The following AHI1 variants were observed in gnomAD, a reference collection of about 807,000 sequenced individuals.
AHI1 encodes Abelson helper integration site 1.
In AHI1, 123 loss-of-function variants were observed where a neutral mutation model predicts 149.3. The observed-to-expected ratio is 0.82, with a 90% CI of 0.71 to 0.96. The LOEUF (loss-of-function observed/expected upper bound fraction) is 0.96, where lower values mean the gene tolerates loss of function less well. Ranked by LOEUF, AHI1 falls within the 40% of genes least tolerant of loss-of-function variation. The probability of loss-of-function intolerance (pLI) is 0.00; values close to 1 mark genes in which losing one functional copy is unlikely to be tolerated. For missense variants in AHI1, 1,439 were observed against 1,422.7 expected, an observed-to-expected ratio of 1.01 and a Z score of -0.18; for synonymous variants, 475 against 459.8, an observed-to-expected ratio of 1.03 and a Z score of -0.42.
chr6:135,322,225 T>C (rs1786962443), intron 25 of AHI1, among the ~76,000 whole-genome samples: 1 of 152,220 alleles, frequency 6.6e-6, no homozygotes, highest in Non-Finnish European at 1.5e-5. Context: ...GTGTAAGATG[T>C]TGAGCTGAGG....
At chr6:135,490,386 C>G (rs147941441) in intron 5 of AHI1, 2 of 645,744 alleles carry the variant, frequency 3.1e-6, no homozygotes, top group African/African-American at 3.8e-5. Flanking sequence ...TATCTCTGGT[C>G]ATTTTCCCCA....
intron 3 of AHI1, chr6:135,492,845 C>T (rs1209204200): frequency 1.0e-6 from 1 of 985,142 alleles, no homozygotes; most frequent in Non-Finnish European, 1.2e-6. Context: ...TACTCAAAAC[C>T]ATGGTTCAAC....
At chr6:135,490,028 A>T (rs1795034833) in intron 5 of AHI1, 1 of 594,570 alleles carries the variant, frequency 1.7e-6, no homozygotes, top group African/African-American at 1.9e-5. Flanking sequence ...GAGGGCATAG[A>T]GCATTAACTG....
chr6:135,312,260 C>T (rs1229687211), intron 26 of AHI1, among the ~76,000 whole-genome samples: 1 of 152,090 alleles, frequency 6.6e-6, no homozygotes, highest in Non-Finnish European at 1.5e-5. Context: ...TGCCTATAAT[C>T]CCAGCAGTTT....
At chr6:135,488,660 T>C (rs1794819816) in intron 5 of AHI1, among the ~76,000 whole-genome samples, 1 of 152,166 alleles carries the variant, frequency 6.6e-6, no homozygotes, top group Admixed American at 6.5e-5. Flanking sequence ...TTGTGCCTTA[T>C]ATATAACTGG....
intron 9 of AHI1, among the ~76,000 whole-genome samples, chr6:135,456,203 G>T (rs1001442986): frequency 2.0e-5 from 3 of 152,084 alleles, no homozygotes; most frequent in African/African-American, 7.2e-5. Flanking sequence ...GCCATATAAA[G>T]CTGGGATAAA....
At chr6:135,449,575 A>T (rs1787777743) in intron 11 of AHI1, among the ~76,000 whole-genome samples, 1 of 152,216 alleles carries the variant, frequency 6.6e-6, no homozygotes, top group Non-Finnish European at 1.5e-5. Context: ...GGTATTTAAC[A>T]ACTGTTACTT....
intron 24 of AHI1, among the ~76,000 whole-genome samples, chr6:135,339,969 A>T (rs1790036411): frequency 6.6e-6 from 1 of 152,200 alleles, no homozygotes; most frequent in East Asian, 1.9e-4. Flanking sequence ...GATATCTCAT[A>T]AAAAAATGTG....
In AHI1 at chr6:135,358,124, T is replaced by C; in HGVS notation, c.3165+8A>G. 1 of 1,610,056 alleles carries C rather than the reference T, an allele frequency of 6.2e-7. No individual in the cohort carries two copies. Among genetic ancestry groups the C allele is most frequent in the Non-Finnish European group, 8.5e-7 (1 of 1,177,236 alleles). ...CACTTTTAACAACGTAGCAACAGAC[T>C]GTCTTACCGTTGGTGCTGTATCTAC... On this transcript the variant is annotated splice_region_variant and intron_variant, in intron 24 of 28. Coordinates refer to ENST00000265602, the MANE Select transcript of AHI1 (RefSeq NM_001134831.2).
At chr6:135,436,655 T>C (rs1443650148) in intron 15 of AHI1, among the ~76,000 whole-genome samples, 1 of 152,186 alleles carries the variant, frequency 6.6e-6, no homozygotes. Flanking sequence ...CAGGCTGGAG[T>C]GCAATGGCGC....
chr6:135,300,984 A>T (rs924362936), intron 26 of AHI1: 4 of 984,366 alleles, frequency 4.1e-6, no homozygotes, highest in Non-Finnish European at 4.8e-6. Context: ...TGTATGCAAG[A>T]GTTTGAATTT....
At position 135,336,028 on chromosome 6, in the gene AHI1, A is replaced by G. The variant is rs187568144; in HGVS notation, c.3166-12704T>C. 4.4e-3 allele frequency among the ~76,000 whole-genome samples: 649 copies of G among 148,178 alleles called. 8 individuals carry two copies. Among genetic ancestry groups the G allele is most frequent in the African/African-American group, 0.015 (609 of 40,214 alleles). ...CTCAGGAGGCTGAGGCAGGAGAATC[A>G]CTTGAACCCAGGAGGCAGAGGTTGT... On this transcript the variant is annotated intron_variant, in intron 24 of 28. Transcript: ENST00000265602.
At chr6:135,431,490 A>G (rs1260084238) in intron 16 of AHI1, among the ~76,000 whole-genome samples, 176 bp from the exon 17 acceptor site, 1 of 152,040 alleles carries the variant, frequency 6.6e-6, no homozygotes, top group Non-Finnish European at 1.5e-5. Context: ...ACAAACCCCA[A>G]TTATCTTTAA....
chr6:135,319,990 T>C (rs939438425), intron 25 of AHI1, among the ~76,000 whole-genome samples: 22 of 152,218 alleles, frequency 1.4e-4, no homozygotes, highest in African/African-American at 5.3e-4. Flanking sequence ...TCTGCTCTTA[T>C]ACTCCCTTAG....
intron 5 of AHI1, among the ~76,000 whole-genome samples, chr6:135,482,427 C>T (rs1793793610): frequency 6.6e-6 from 1 of 150,514 alleles, no homozygotes; most frequent in Non-Finnish European, 1.5e-5. Context: ...TATTTAACAA[C>T]CAGCTCTTAT....
chr6:135,468,403 C>A (rs1011819326), intron 5 of AHI1, among the ~76,000 whole-genome samples: 1 of 151,886 alleles, frequency 6.6e-6, no homozygotes, highest in Non-Finnish European at 1.5e-5. Context: ...ACACAAAAAA[C>A]CCTTCAAAAA....
chr6:135,318,205 C>T (rs186042036), intron 26 of AHI1, among the ~76,000 whole-genome samples: 36 of 152,208 alleles, frequency 2.4e-4, no homozygotes, highest in Non-Finnish European at 4.4e-4. Context: ...ATGACACTGT[C>T]AGTATCACAG....
intron 25 of AHI1, among the ~76,000 whole-genome samples, chr6:135,322,175 T>C (rs1319022755): frequency 6.6e-6 from 1 of 152,222 alleles, no homozygotes; most frequent in Non-Finnish European, 1.5e-5. Flanking sequence ...ATAATATCAT[T>C]TAATTCCTTC....
intron 5 of AHI1, among the ~76,000 whole-genome samples, chr6:135,488,716 T>C (rs1794827849): frequency 6.6e-6 from 1 of 152,206 alleles, no homozygotes; most frequent in Non-Finnish European, 1.5e-5. Flanking sequence ...ATTTTGACTT[T>C]TTTCCTCGCT....
Sources: allele counts gnomAD v4.1 joint callset (sites outside exome capture counted in the v4.1 genomes callset), GRCh38; gene constraint gnomAD v4.1.1; transcripts MANE v1.5; gene names NCBI Gene and HGNC (gene_info 2026-07-23, HGNC 2026-07-21).